VRTN: variants seen among roughly 807,000 people sequenced by gnomAD.
VRTN encodes the protein vertebrae development associated, also known as vertnin.
A neutral mutation model predicts 18.2 loss-of-function variants in VRTN; 5 were observed. That is an observed-to-expected ratio of 0.27 (90% CI 0.14 to 0.58). The LOEUF (loss-of-function observed/expected upper bound fraction) is 0.58, where lower values mean the gene tolerates loss of function less well. Ranked by LOEUF, VRTN falls within the 20% of genes least tolerant of loss-of-function variation. The pLI is 0.91. For synonymous variants in VRTN, 381 were observed against 393.7 expected (o/e 0.97, Z 0.38); for missense variants, 741 against 939.4 (o/e 0.79, Z 2.76).
chr14:74,331,236 C>CA (rs2085521217), intron 1 of VRTN, among the ~76,000 whole-genome samples: 1 of 116,250 alleles, frequency 8.6e-6, no homozygotes, highest in Admixed American at 8.4e-5. Context: ...ACAAACAAAC[C>CA]ACAAGTCTGG....
intron 1 of VRTN, among the ~76,000 whole-genome samples, chr14:74,329,443 T>A (rs2085507993): frequency 6.6e-6 from 1 of 151,498 alleles, no homozygotes; most frequent in Non-Finnish European, 1.5e-5. Context: ...TTGTTTGTTT[T>A]TGTAGAGATG....
chr14:74,340,424 T>G (rs2085596480), intron 2 of VRTN, among the ~76,000 whole-genome samples: 1 of 151,814 alleles, frequency 6.6e-6, no homozygotes, highest in South Asian at 2.1e-4. Flanking sequence ...GTTTGTATTT[T>G]TAGTAGACAC....
intron 1 of VRTN, among the ~76,000 whole-genome samples, chr14:74,316,905 G>A (rs1229449658): frequency 6.6e-6 from 1 of 152,036 alleles, no homozygotes; most frequent in Non-Finnish European, 1.5e-5. Flanking sequence ...CCAAAGTGCT[G>A]GGATTACAGG....
intron 2 of VRTN, among the ~76,000 whole-genome samples, chr14:74,338,278 T>C (rs898304270): frequency 6.6e-6 from 1 of 152,184 alleles, no homozygotes; most frequent in African/African-American, 2.4e-5. Flanking sequence ...TAATGTTAGA[T>C]TGGAGTTGCA....
chr14:74,305,207 A>C (rs2085338512), intron 1 of VRTN, among the ~76,000 whole-genome samples: 1 of 151,892 alleles, frequency 6.6e-6, no homozygotes. Flanking sequence ...TGGCGGGTGC[A>C]TGTAATCCCA....
intron 1 of VRTN, among the ~76,000 whole-genome samples, chr14:74,331,291 G>C (rs1310650219): frequency 2.0e-5 from 3 of 151,684 alleles, no homozygotes; most frequent in East Asian, 3.9e-4. Context: ...ACTTTGGGAG[G>C]CAGAGGCAGA....
intron 2 of VRTN, among the ~76,000 whole-genome samples, chr14:74,341,847 C>T (rs2085607237): frequency 6.6e-6 from 1 of 152,066 alleles, no homozygotes; most frequent in South Asian, 2.1e-4. Context: ...GAAGGATTAC[C>T]CCCAACTCCT....
intron 1 of VRTN, among the ~76,000 whole-genome samples, chr14:74,314,783 C>CT (rs2085409578): frequency 6.6e-6 from 1 of 152,152 alleles, no homozygotes; most frequent in Admixed American, 6.6e-5. Flanking sequence ...AGGGAATGAT[C>CT]TAATAGTAAC....
intron 2 of VRTN, among the ~76,000 whole-genome samples, chr14:74,341,499 A>G (rs74574602): frequency 0.024 from 3,665 of 152,244 alleles, 138 homozygotes; most frequent in African/African-American, 0.083. Flanking sequence ...ACTTCTTTAA[A>G]GCTTTTCTAT....
intron 1 of VRTN, among the ~76,000 whole-genome samples, chr14:74,333,643 C>T (rs1453813322): frequency 6.6e-6 from 1 of 151,886 alleles, no homozygotes; most frequent in Non-Finnish European, 1.5e-5. Flanking sequence ...AGTTCAAGAC[C>T]AGCCTGATCA....
intron 1 of VRTN, among the ~76,000 whole-genome samples, chr14:74,311,018 G>A (rs1417634438): frequency 1.2e-4 from 18 of 152,018 alleles, no homozygotes; most frequent in East Asian, 1.9e-4. Flanking sequence ...GTAAATGAGG[G>A]TAATAATAGT....
chr14:74,311,571 G>T (rs1046929609), intron 1 of VRTN, among the ~76,000 whole-genome samples: 13 of 151,862 alleles, frequency 8.6e-5, no homozygotes, highest in African/African-American at 3.1e-4. Context: ...CACCACACCT[G>T]GCTAATTTTT....
In VRTN at chr14:74,358,226, G is replaced by C. The variant is rs943952478; in HGVS notation, c.1443G>C (p.Glu481Asp). The change falls in exon 2 of 2, where the codon GAG becomes GAC. Residue 481 changes from glutamate to aspartate, a missense_variant. Coordinates refer to ENST00000256362, the MANE Select transcript of VRTN (RefSeq NM_018228.3). The surrounding 1 kb of genome is among the most constrained non-coding windows in gnomAD (Gnocchi z 5.4). The part of the protein sequence containing the change: ...AVIPWKSEAE[E>D]GAGNATGEDP... ...TTCCTTGGAAGAGTGAGGCGGAAGA[G>C]GGGGCAGGGAATGCCACAGGTGAGG... 1.9e-6 allele frequency: 3 copies of C among 1,612,608 alleles called. No homozygotes were observed. The highest frequency in any genetic ancestry group is 1.6e-4 in the Middle Eastern group (1 of 6,080).
At chr14:74,305,804 TTCTG>T (rs995710728) in intron 1 of VRTN, among the ~76,000 whole-genome samples, 3 of 152,068 alleles carry the variant, frequency 2.0e-5, no homozygotes, top group Admixed American at 6.6e-5. Context: ...CCTGGCTAAG[TTCTG>T]TCTTTTATGT....
At chr14:74,309,024 A>G (rs1449568491) in intron 1 of VRTN, among the ~76,000 whole-genome samples, 1 of 152,040 alleles carries the variant, frequency 6.6e-6, no homozygotes, top group African/African-American at 2.4e-5. Context: ...CACCATGCCC[A>G]GCTAATTTCT....
chr14:74,335,775 C>T (rs1215747252), intron 1 of VRTN, among the ~76,000 whole-genome samples: 4 of 145,782 alleles, frequency 2.7e-5, no homozygotes, highest in African/African-American at 7.7e-5. Flanking sequence ...GGGTCTTGCT[C>T]TGTTGCCCAG....
chr14:74,319,011 G>A (rs1280702811), intron 1 of VRTN, among the ~76,000 whole-genome samples: 1 of 148,358 alleles, frequency 6.7e-6, no homozygotes, highest in Non-Finnish European at 1.5e-5. Context: ...CACTGTGCCT[G>A]GTCTCGGGAT....
intron 1 of VRTN, among the ~76,000 whole-genome samples, chr14:74,316,287 G>A (rs1048607645): frequency 2.0e-5 from 3 of 152,110 alleles, no homozygotes; most frequent in African/African-American, 7.2e-5. Context: ...GGAGGCTGAG[G>A]TGGGTGGGTC....
intron 1 of VRTN, among the ~76,000 whole-genome samples, chr14:74,314,564 AT>A (rs902303879): frequency 4.3e-4 from 63 of 146,316 alleles, no homozygotes; most frequent in Middle Eastern, 3.5e-3. Flanking sequence ...ACCCGGCTAA[AT>A]TTTTTTTTTT....
Sources: gnomAD v4.1 joint callset for allele counts (sites outside exome capture counted in the v4.1 genomes callset) on GRCh38, gnomAD v4.1.1 for gene constraint, Gnocchi (gnomAD v3.1) non-coding constraint, MANE v1.5 for transcripts, NCBI Gene and HGNC (gene_info 2026-07-23, HGNC 2026-07-21) for gene names.